The following TTC7B variants were observed in gnomAD, a reference collection of about 807,000 sequenced individuals.
The protein encoded by TTC7B is tetratricopeptide repeat domain 7B.
A neutral mutation model predicts 106.8 loss-of-function variants in TTC7B; 28 were observed. That is an observed-to-expected ratio of 0.26 (90% CI 0.19 to 0.36). The LOEUF is 0.36. Ranked by LOEUF, TTC7B falls within the 10% of genes least tolerant of loss-of-function variation. TTC7B has a pLI of 1.00. For synonymous variants in TTC7B, 405 were observed against 430.6 expected (o/e 0.94, Z 0.74); for missense variants, 862 against 1,076.4 (o/e 0.80, Z 2.79).
intron 5 of TTC7B, among the ~76,000 whole-genome samples, chr14:90,701,794 G>GTA (rs1365407194): frequency 3.9e-3 from 493 of 124,842 alleles, no homozygotes; most frequent in African/African-American, 0.016. Flanking sequence ...GTGTGTGTGT[G>GTA]TGTATATATA....
At chr14:90,567,658 C>T (rs1053055228) in intron 19 of TTC7B, 9 of 152,326 alleles carry the variant, frequency 5.9e-5, no homozygotes, top group African/African-American at 2.2e-4. Flanking sequence ...GACATGAAAC[C>T]TTCAAAAGCG....
intron 1 of TTC7B, among the ~76,000 whole-genome samples, chr14:90,786,901 G>A (rs1595372881): frequency 6.6e-6 from 1 of 152,046 alleles, no homozygotes; most frequent in African/African-American, 2.4e-5. Context: ...ACACATTAAC[G>A]TGGAGAGAGT....
At chr14:90,738,368 C>T (rs369301325) in intron 4 of TTC7B, among the ~76,000 whole-genome samples, 2 of 152,052 alleles carry the variant, frequency 1.3e-5, no homozygotes, top group Non-Finnish European at 2.9e-5. Flanking sequence ...CCAGCATTTT[C>T]GGAGGCCAAG....
At chr14:90,642,549 T>C (rs1885227587) in intron 15 of TTC7B, 2 of 152,276 alleles carry the variant, frequency 1.3e-5, no homozygotes, top group Non-Finnish European at 2.9e-5. Context: ...TGCAACTCTG[T>C]AGACAATCAG....
chr14:90,590,824 C>T (rs567478245), intron 18 of TTC7B, among the ~76,000 whole-genome samples: 3 of 152,294 alleles, frequency 2.0e-5, no homozygotes, highest in Admixed American at 6.5e-5. Context: ...CAAAAAGATC[C>T]TAATTGACTT....
intron 5 of TTC7B, among the ~76,000 whole-genome samples, chr14:90,708,815 C>T (rs547696811): frequency 8.5e-4 from 129 of 152,168 alleles, no homozygotes; most frequent in Non-Finnish European, 1.2e-3. Context: ...AAGGAATCTA[C>T]AATGAACTCA....
At position 90,540,419 on chromosome 14, in the gene TTC7B, C is replaced by A. The variant is rs1470201856; in HGVS notation, c.*949G>T. 1 of 152,228 alleles carries A rather than the reference C, an allele frequency of 6.6e-6. No individual in the cohort carries two copies. The highest frequency in any genetic ancestry group is 1.5e-5 in the Non-Finnish European group (1 of 68,102). 9.4% of individuals were successfully genotyped at this position (152,228 alleles called of 1,614,324 possible). A position where few individuals can be genotyped will look rare whatever the true frequency, so the allele number is the denominator to read the frequency against. On this transcript the variant is annotated 3_prime_UTR_variant, in exon 20 of 20. Coordinates refer to ENST00000328459, the MANE Select transcript of TTC7B (RefSeq NM_001010854.2). The stretch of plus-strand genomic sequence containing the variant: ...CTCCAGCCTGGGAAACAGAGTGAGA[C>A]CCTGTCTCCAAAAAATAAAAATAAA...
intron 5 of TTC7B, among the ~76,000 whole-genome samples, chr14:90,716,731 G>GA (rs1313069979): frequency 4.6e-5 from 7 of 152,122 alleles, no homozygotes; most frequent in Non-Finnish European, 8.8e-5. Flanking sequence ...GTATTCTTCA[G>GA]AAAAAATATA....
chr14:90,761,669 G>A (rs1442079438), intron 3 of TTC7B, among the ~76,000 whole-genome samples: 4 of 152,178 alleles, frequency 2.6e-5, no homozygotes, highest in Admixed American at 2.0e-4. Flanking sequence ...GAATGCAATG[G>A]GCGATTACAC....
rs1164065454 is a variant in TTC7B at position 90,657,260 on chromosome 14, C to A, written c.1255G>T (p.Val419Leu). ...AAGKSARAVK[V>L]LKECIRLKPD... ...TTCAGGCGGATACACTCTTTCAGCACCTTCACGGCACGGGCAGACTTGGCA... is the reference window on the plus strand; with the variant it reads ...TTCAGGCGGATACACTCTTTCAGCAACTTCACGGCACGGGCAGACTTGGCA... The change falls in exon 11 of 20, where the codon GTG (valine) becomes TTG (leucine). Residue 419 changes from valine to leucine, a missense_variant. Physicochemically the swap from Val to Leu is conservative, Grantham distance 32. Transcript: ENST00000328459. This position sits in a 1 kb window ranked among gnomAD's most constrained non-coding sequence, Gnocchi z 4.2. The A allele has an allele frequency of 3.7e-6, 6 of 1,613,962 alleles. No homozygotes were observed. Among genetic ancestry groups the A allele is most frequent in the Non-Finnish European group, 5.1e-6 (6 of 1,179,998 alleles).
At chr14:90,787,435 T>C (rs548190917) in intron 1 of TTC7B, among the ~76,000 whole-genome samples, 4 of 152,306 alleles carry the variant, frequency 2.6e-5, no homozygotes, top group Admixed American at 2.6e-4. Context: ...TTAAAAGGTC[T>C]GGAAGGACAT....
intron 17 of TTC7B, 146 bp downstream of exon 17, chr14:90,610,596 G>A: frequency 1.5e-6 from 1 of 648,418 alleles, no homozygotes; most frequent in South Asian, 1.7e-5. Flanking sequence ...AGACACTGGA[G>A]CAATGCACCT....
chr14:90,690,018 T>C (rs1425325422), intron 6 of TTC7B, among the ~76,000 whole-genome samples: 1 of 152,224 alleles, frequency 6.6e-6, no homozygotes, highest in Non-Finnish European at 1.5e-5. Flanking sequence ...GGCTAAGCCC[T>C]TTCCCAAGAG....
rs578163841 is a variant in TTC7B at position 90,613,206 on chromosome 14, G to A, written c.1869-2367C>T. Among the ~76,000 whole-genome samples, 424 of 152,094 alleles carry A rather than the reference G, an allele frequency of 2.8e-3. 4 individuals carry two copies. The highest frequency in any genetic ancestry group is 0.017 in the South Asian group (82 of 4,806). On this transcript the variant is annotated intron_variant, in intron 16 of 19. Transcript: ENST00000328459. ...AGCTCAGGAGTTCAAGATCAGCCTG[G>A]GCAACATAGCAAGACTTCATCTTTA...
At position 90,671,974 on chromosome 14, in the gene TTC7B, C is replaced by T. The variant is rs75862826; in HGVS notation, c.1152+4549G>A. On this transcript the variant is annotated intron_variant, in intron 9 of 19. Transcript: ENST00000328459. ...CAGTTATTAAAAGGCTGGGTCTGCA[C>T]AACGCTGCACAACACACCCACTGCA... 3.3e-3 allele frequency among the ~76,000 whole-genome samples: 503 copies of T among 152,304 alleles called. 2 individuals are homozygous for T. Among genetic ancestry groups the T allele is most frequent in the Non-Finnish European group, 4.1e-3 (277 of 68,030 alleles).
intron 1 of TTC7B, among the ~76,000 whole-genome samples, chr14:90,791,789 G>A (rs8003753): frequency 0.028 from 4,280 of 152,078 alleles, 172 homozygotes; most frequent in African/African-American, 0.09. Flanking sequence ...GCAGAGCAGC[G>A]CCACACAAGG....
chr14:90,573,615 C>A (rs1891136109), intron 19 of TTC7B, among the ~76,000 whole-genome samples: 1 of 150,736 alleles, frequency 6.6e-6, no homozygotes, highest in African/African-American at 2.4e-5. Flanking sequence ...AGCTCACGGT[C>A]CCTCTCTGGC....
At chr14:90,641,996 T>C (rs1885200283) in intron 15 of TTC7B, among the ~76,000 whole-genome samples, 1 of 152,008 alleles carries the variant, frequency 6.6e-6, no homozygotes, top group South Asian at 2.1e-4. Context: ...GCTTTATAAA[T>C]ATTGATGAGA....
At chr14:90,543,643 C>T in intron 19 of TTC7B, among the ~76,000 whole-genome samples, 1 of 152,304 alleles carries the variant, frequency 6.6e-6, no homozygotes, top group African/African-American at 2.4e-5. Context: ...TCTTCATTCC[C>T]TTTAGAAGTC....
Sources: gnomAD v4.1 joint callset for allele counts (sites outside exome capture counted in the v4.1 genomes callset) on GRCh38, gnomAD v4.1.1 for gene constraint, Gnocchi (gnomAD v3.1) non-coding constraint, MANE v1.5 for transcripts, NCBI Gene and HGNC (gene_info 2026-07-23, HGNC 2026-07-21) for gene names.